The following DTNB variants were observed in gnomAD, a reference collection of about 807,000 sequenced individuals.
DTNB encodes dystrobrevin beta.
In DTNB, 63 loss-of-function variants were observed where a neutral mutation model predicts 90.7. The ratio of observed to expected loss-of-function variants is 0.69; its 90% CI spans 0.57 to 0.86. The LOEUF (loss-of-function observed/expected upper bound fraction) is 0.86, where lower values mean the gene tolerates loss of function less well. DTNB is among the 40% of genes least tolerant of loss of function. The pLI is 0.00. For synonymous variants in DTNB, 277 were observed against 286.7 expected (o/e 0.97, Z 0.34); for missense variants, 744 against 807.1 (o/e 0.92, Z 0.95).
chr2:25,532,633 A>T (rs1246025469), intron 8 of DTNB, among the ~76,000 whole-genome samples: 2 of 152,226 alleles, frequency 1.3e-5, no homozygotes. Flanking sequence ...TCTAAAACTC[A>T]TATTTAAAGG....
At chr2:25,627,476 T>A (rs1234337160) in intron 4 of DTNB, among the ~76,000 whole-genome samples, 1 of 151,922 alleles carries the variant, frequency 6.6e-6, no homozygotes, top group Non-Finnish European at 1.5e-5. Context: ...GAGTAAAGAT[T>A]AGCCTTCTGA....
chr2:25,536,345 A>C (rs1217914577), intron 8 of DTNB, among the ~76,000 whole-genome samples: 4 of 152,188 alleles, frequency 2.6e-5, no homozygotes, highest in Non-Finnish European at 1.5e-5. Flanking sequence ...TGGGAGGCCA[A>C]GGCAGGCAGC....
intron 8 of DTNB, among the ~76,000 whole-genome samples, chr2:25,567,843 T>C (rs1276129825): frequency 2.0e-5 from 3 of 152,224 alleles, no homozygotes; most frequent in Non-Finnish European, 4.4e-5. Flanking sequence ...ATATTTGCTA[T>C]GAGCCTTCCT....
intron 16 of DTNB, among the ~76,000 whole-genome samples, chr2:25,409,444 G>A (rs2046066515): frequency 6.6e-6 from 1 of 152,158 alleles, no homozygotes; most frequent in Non-Finnish European, 1.5e-5. Context: ...AAAGAAATGG[G>A]ATTTAGCTGG....
At chr2:25,634,599 T>G (rs1167346134) in intron 3 of DTNB, among the ~76,000 whole-genome samples, 1 of 120,082 alleles carries the variant, frequency 8.3e-6, no homozygotes, top group Non-Finnish European at 1.9e-5. Context: ...ACAATGGCGG[T>G]TTTGTGGAAT....
chr2:25,574,016 G>T (rs1292004772), intron 8 of DTNB, among the ~76,000 whole-genome samples: 1 of 152,052 alleles, frequency 6.6e-6, no homozygotes, highest in Admixed American at 6.5e-5. Context: ...GGTACAGAAG[G>T]CACCCTGCTA....
intron 8 of DTNB, among the ~76,000 whole-genome samples, chr2:25,565,016 A>T (rs2058803613): frequency 1.3e-5 from 2 of 152,148 alleles, no homozygotes; most frequent in South Asian, 4.1e-4. Context: ...TGTGTGTGTT[A>T]GGATTTTCTA....
rs1426094718 is a variant in DTNB at position 25,419,139 on chromosome 2, A to G, written c.1575+376T>C. ...AAAAGAAGTCCTCATTTTCATGCAC[A>G]TTCATTCATGACATGAGGTCACCCC... On this transcript the variant is annotated intron_variant, in intron 16 of 20. Transcript: ENST00000406818. 9 of 249,764 alleles carry G rather than the reference A, an allele frequency of 3.6e-5. No homozygotes were observed. In the East Asian group the frequency reaches 7.3e-4, roughly 20 times the overall value. 15.5% of individuals were successfully genotyped at this position (249,764 alleles called of 1,614,324 possible).
In DTNB at chr2:25,429,134, C is replaced by T. The variant is rs1241860475; in HGVS notation, c.1458-1503G>A. On this transcript the variant is annotated intron_variant, in intron 14 of 20. Transcript: ENST00000406818. ...AGATGCACGGCAATTGTAACATACA[C>T]ACTGGAATTCAAAGACTTAGTGCAG... 2.0e-5 allele frequency among the ~76,000 whole-genome samples: 3 copies of T among 152,300 alleles called. No individual in the cohort carries two copies. In the East Asian group the frequency reaches 5.8e-4, roughly 29 times the overall value.
chr2:25,609,497 C>T (rs1055801312), intron 4 of DTNB, among the ~76,000 whole-genome samples: 11 of 150,934 alleles, frequency 7.3e-5, no homozygotes, highest in African/African-American at 2.7e-4. Flanking sequence ...ACTCAGAAGG[C>T]TGAGGCAGGA....
chr2:25,629,994 A>C lies in DTNB; in HGVS notation c.149-1610T>G, dbSNP rs540232078. Among the ~76,000 whole-genome samples the C allele has an allele frequency of 2.3e-3, 343 of 152,362 alleles. 3 individuals carry two copies. Among genetic ancestry groups the C allele is most frequent in the African/African-American group, 7.8e-3 (324 of 41,588 alleles). On this transcript the variant is annotated intron_variant, in intron 3 of 20. Coordinates refer to ENST00000406818, the MANE Select transcript of DTNB (RefSeq NM_021907.5). ...AATATTTGTAAACCATGCATCCATTAAGGGTCTGGGATCCAGACACATAAA... is the reference window on the plus strand; with the variant it reads ...AATATTTGTAAACCATGCATCCATTCAGGGTCTGGGATCCAGACACATAAA...
At chr2:25,524,266 G>A (rs1180977341) in intron 9 of DTNB, among the ~76,000 whole-genome samples, 5 of 151,768 alleles carry the variant, frequency 3.3e-5, no homozygotes, top group East Asian at 3.9e-4. Flanking sequence ...CCATTAACAC[G>A]TATTGAATAC....
chr2:25,456,284 C>T (rs1312399328), intron 10 of DTNB, among the ~76,000 whole-genome samples: 6 of 152,112 alleles, frequency 3.9e-5, no homozygotes, highest in African/African-American at 1.2e-4. Context: ...TGTGCAGGGA[C>T]GAGTGGCTAA....
At chr2:25,425,975 G>C (rs946210692) in intron 15 of DTNB, among the ~76,000 whole-genome samples, 1 of 152,164 alleles carries the variant, frequency 6.6e-6, no homozygotes, top group South Asian at 2.1e-4. Context: ...GCTGAGGAAG[G>C]AGGATCCCTT....
intron 10 of DTNB, among the ~76,000 whole-genome samples, chr2:25,473,719 C>A (rs1027020894): frequency 1.2e-4 from 18 of 152,154 alleles, no homozygotes; most frequent in Admixed American, 2.0e-4. Context: ...GTTCTTCTGG[C>A]ACAAATCTTC....
Position 25,377,432 on chromosome 2 carries a change from T to G in DTNB, c.*151A>C, listed in dbSNP as rs1573545740. ...GCTCCCCTCTCCCTGGCGGGTGGAG[T>G]GACGTCTGGCAGCCTGCAAGCCTGG... On this transcript the variant is annotated 3_prime_UTR_variant, in exon 21 of 21. Transcript: ENST00000406818. 6.5e-6 allele frequency: 1 copy of G among 152,680 alleles called. No individual in the cohort carries two copies. Among genetic ancestry groups the G allele is most frequent in the Non-Finnish European group, 1.5e-5 (1 of 68,190 alleles). The allele number at this position is 152,680 out of a possible 1,614,324, so 9.5% of individuals were successfully genotyped here.
intron 16 of DTNB, among the ~76,000 whole-genome samples, chr2:25,400,418 C>T (rs988484542): frequency 2.6e-5 from 4 of 152,360 alleles, no homozygotes; most frequent in South Asian, 2.1e-4. Flanking sequence ...CTGAACACTC[C>T]GCTCAACGCG....
chr2:25,413,534 C>T (rs577602331), intron 16 of DTNB, among the ~76,000 whole-genome samples: 14 of 151,132 alleles, frequency 9.3e-5, no homozygotes, highest in South Asian at 2.1e-4. Context: ...TTTGTTCTTG[C>T]GATAGTTTGC....
chr2:25,433,918 G>A lies in DTNB; in HGVS notation c.1335C>T (p.Asn445=). Residue 445 remains asparagine (N), a synonymous_variant, in exon 13 of 21, where the codon AAC becomes AAT. Transcript: ENST00000406818. ...AGCCTCTGCGTTCTTACCTGTTTTT[G>A]TTTTCCAGTTCTGCAATAAGCTGTC... is the stretch of plus-strand genomic sequence containing the variant. The part of the protein sequence containing the change: ...QQRQLIAELE[N]KNREILQEIQ... 1 of 1,613,514 alleles carries A rather than the reference G, an allele frequency of 6.2e-7. No individual in the cohort carries two copies. Among genetic ancestry groups the A allele is most frequent in the East Asian group, 2.2e-5 (1 of 44,870 alleles).
Sources: gnomAD v4.1 joint callset for allele counts (sites outside exome capture counted in the v4.1 genomes callset) on GRCh38, gnomAD v4.1.1 for gene constraint, MANE v1.5 for transcripts, NCBI Gene and HGNC (gene_info 2026-07-23, HGNC 2026-07-21) for gene names.